Variants in ZNF804A observed in about 807,000 individuals in gnomAD.
The protein encoded by ZNF804A is zinc finger protein 804A.
Under a neutral mutation model 16.5 loss-of-function variants are expected in ZNF804A, and 2 were observed. The ratio of observed to expected loss-of-function variants is 0.12; its 90% CI spans 0.05 to 0.38. The LOEUF (loss-of-function observed/expected upper bound fraction) is 0.38, where lower values mean the gene tolerates loss of function less well. ZNF804A is among the 10% of genes least tolerant of loss of function. The pLI, the probability that ZNF804A is intolerant of heterozygous loss-of-function variation, is 0.99. For synonymous variants in ZNF804A, 534 were observed against 489.6 expected, an observed-to-expected ratio of 1.09 and a Z score of -1.20; for missense variants, 1,473 against 1,390.7, an observed-to-expected ratio of 1.06 and a Z score of -0.94.
intron 1 of ZNF804A, among the ~76,000 whole-genome samples, chr2:184,785,676 G>A (rs1188510287): frequency 6.6e-6 from 1 of 151,806 alleles, no homozygotes; most frequent in African/African-American, 2.4e-5. Context: ...AAATAAATAG[G>A]TAGGCATATA....
intron 1 of ZNF804A, among the ~76,000 whole-genome samples, chr2:184,724,205 A>G (rs1693365548): frequency 6.6e-6 from 1 of 151,742 alleles, no homozygotes; most frequent in Non-Finnish European, 1.5e-5. Context: ...ACATTAATAA[A>G]CTGTGCATAA....
intron 1 of ZNF804A, among the ~76,000 whole-genome samples, chr2:184,706,983 T>C (rs930615760): frequency 1.3e-5 from 2 of 152,320 alleles, no homozygotes; most frequent in African/African-American, 4.8e-5. Context: ...GGAGTCCTTA[T>C]GTGCCACATT....
chr2:184,599,587 T>A (rs1352453284), intron 1 of ZNF804A, among the ~76,000 whole-genome samples: 1 of 152,224 alleles, frequency 6.6e-6, no homozygotes, highest in Non-Finnish European at 1.5e-5. Flanking sequence ...TGAGAAGTTG[T>A]CTGTGCTAAG....
intron 2 of ZNF804A, among the ~76,000 whole-genome samples, chr2:184,869,048 G>T (rs2105812532): frequency 6.6e-6 from 1 of 152,106 alleles, no homozygotes; most frequent in Admixed American, 6.6e-5. Context: ...GATGTTCAAA[G>T]GAAGTGCTCA....
chr2:184,632,124 G>A (rs1559112880), intron 1 of ZNF804A, among the ~76,000 whole-genome samples: 1 of 151,860 alleles, frequency 6.6e-6, no homozygotes, highest in Non-Finnish European at 1.5e-5. Flanking sequence ...CAAGTGGTCA[G>A]TAGAAGTATA....
chr2:184,822,696 T>A (rs1399726304), intron 1 of ZNF804A, among the ~76,000 whole-genome samples: 1 of 152,124 alleles, frequency 6.6e-6, no homozygotes, highest in Non-Finnish European at 1.5e-5. Context: ...GGGTGAGGAA[T>A]GGTGAATTCC....
Position 184,938,721 on chromosome 2 carries a change from G to T in ZNF804A, c.3325G>T (p.Ala1109Ser). The T allele has an allele frequency of 6.2e-7, 1 of 1,608,238 alleles. No homozygotes were observed. Among genetic ancestry groups the T allele is most frequent in the Non-Finnish European group, 8.5e-7 (1 of 1,177,110 alleles). ...HHTVLQQHAA[A>S]AAAAAAAAAA... ...CACTGTTTTGCAGCAGCACGCTGCA[G>T]CTGCTGCAGCTGCAGCTGCAGCCGC... Residue 1109 changes from alanine (A) to serine (S), a missense_variant, in exon 4 of 4, where the codon GCT (alanine) becomes TCT (serine). Physicochemically the swap from Ala to Ser is moderately conservative, Grantham distance 99. Transcript: ENST00000302277.
chr2:184,820,939 A>T (rs1695069121), intron 1 of ZNF804A, among the ~76,000 whole-genome samples: 1 of 152,150 alleles, frequency 6.6e-6, no homozygotes, highest in Admixed American at 6.6e-5. Context: ...ACAGGAAGAC[A>T]TTCGATGCTC....
intron 2 of ZNF804A, among the ~76,000 whole-genome samples, chr2:184,908,625 A>G (rs1685313586): frequency 6.6e-6 from 1 of 152,168 alleles, no homozygotes; most frequent in Non-Finnish European, 1.5e-5. Flanking sequence ...TATTAAGATT[A>G]GCAGACTTCT....
chr2:184,641,563 C>A (rs1691796413), intron 1 of ZNF804A, among the ~76,000 whole-genome samples: 1 of 152,074 alleles, frequency 6.6e-6, no homozygotes, highest in Admixed American at 6.5e-5. Context: ...TAAATCATAT[C>A]TTGAAATATT....
At chr2:184,804,839 A>G (rs1311156020) in intron 1 of ZNF804A, among the ~76,000 whole-genome samples, 1 of 152,196 alleles carries the variant, frequency 6.6e-6, no homozygotes, top group Non-Finnish European at 1.5e-5. Context: ...AAATCACCCT[A>G]TAAATATAGC....
intron 1 of ZNF804A, among the ~76,000 whole-genome samples, chr2:184,857,562 C>T (rs1253816289): frequency 6.6e-6 from 1 of 152,034 alleles, no homozygotes; most frequent in Admixed American, 6.6e-5. Flanking sequence ...CTGTCCATTG[C>T]TGGAAATGGA....
chr2:184,835,945 T>C (rs763035794), intron 1 of ZNF804A, among the ~76,000 whole-genome samples: 3 of 152,110 alleles, frequency 2.0e-5, no homozygotes, highest in African/African-American at 2.4e-5. Flanking sequence ...CTATAGACAA[T>C]GGGGAACCAT....
At chr2:184,837,130 C>T (rs1050969732) in intron 1 of ZNF804A, among the ~76,000 whole-genome samples, 2 of 151,852 alleles carry the variant, frequency 1.3e-5, no homozygotes, top group Non-Finnish European at 2.9e-5. Context: ...TTTACCATAG[C>T]GCTTACATTA....
At chr2:184,816,402 G>A (rs992322466) in intron 1 of ZNF804A, among the ~76,000 whole-genome samples, 3 of 151,922 alleles carry the variant, frequency 2.0e-5, no homozygotes, top group Admixed American at 1.3e-4. Context: ...TTATCATTTG[G>A]CACTTTCTCC....
chr2:184,662,224 A>C (rs993493667), intron 1 of ZNF804A, among the ~76,000 whole-genome samples: 1 of 152,174 alleles, frequency 6.6e-6, no homozygotes, highest in Non-Finnish European at 1.5e-5. Context: ...CTGTTGTGTC[A>C]TCAATATGGA....
At chr2:184,706,784 C>A (rs1446132143) in intron 1 of ZNF804A, among the ~76,000 whole-genome samples, 1 of 152,148 alleles carries the variant, frequency 6.6e-6, no homozygotes, top group Non-Finnish European at 1.5e-5. Context: ...CAATATCCAA[C>A]TTCGTGTGTC....
chr2:184,599,661 C>T (rs1009376656), intron 1 of ZNF804A, among the ~76,000 whole-genome samples: 9 of 152,262 alleles, frequency 5.9e-5, no homozygotes, highest in Admixed American at 5.9e-4. Flanking sequence ...AAAGTGGTGG[C>T]GGATATGTGT....
intron 2 of ZNF804A, among the ~76,000 whole-genome samples, chr2:184,900,405 CTTAAAT>C (rs879666113): frequency 1.3e-5 from 2 of 152,094 alleles, no homozygotes; most frequent in African/African-American, 2.4e-5. Context: ...GGCTAATTCG[CTTAAAT>C]CAATCTAGTC....
Sources: gnomAD v4.1 joint callset for allele counts (sites outside exome capture counted in the v4.1 genomes callset) on GRCh38, gnomAD v4.1.1 for gene constraint, MANE v1.5 for transcripts, NCBI Gene and HGNC (gene_info 2026-07-23, HGNC 2026-07-21) for gene names.